Variants in TARS2 observed in about 807,000 individuals in gnomAD.
TARS2 encodes threonyl-tRNA synthetase 2, mitochondrial.
Under a neutral mutation model 94.4 loss-of-function variants are expected in TARS2, and 61 were observed. That is an observed-to-expected ratio of 0.65 (90% CI 0.53 to 0.80). TARS2 has a LOEUF of 0.80. Among genes scored for constraint, TARS2 ranks in the 30% least tolerant of loss-of-function variants. TARS2 has a pLI of 0.00. For missense variants in TARS2, 704 were observed against 902.5 expected (o/e 0.78, Z 2.82); for synonymous variants, 359 against 353.4 (o/e 1.02, Z -0.18).
chr1:150,498,857 G>GCGGGCTCACAGCTCACTGA, intron 11 of TARS2, 40 bp from the exon 12 acceptor site: 1 of 1,613,414 alleles, frequency 6.2e-7, no homozygotes. Flanking sequence ...CTGATCTCTA[G>GCGGGCTCACAGCTCACTGA]CGGGCTCACA....
At chr1:150,495,197 T>C (rs78844852) in intron 7 of TARS2, among the ~76,000 whole-genome samples, 3 of 138,670 alleles carry the variant, frequency 2.2e-5, no homozygotes, top group Non-Finnish European at 4.7e-5. Context: ...AAAAAAAAAT[T>C]AGTCGAGTGT....
intron 13 of TARS2, among the ~76,000 whole-genome samples, chr1:150,500,393 C>A (rs7553867): frequency 0.3 from 45,326 of 151,334 alleles, 8,244 homozygotes; most frequent in Non-Finnish European, 0.4. Context: ...AGTTCGAGAC[C>A]AGCCTGGCCA....
chr1:150,498,862 C>T, intron 11 of TARS2, 35 bp from the exon 12 acceptor site: 1 of 1,613,740 alleles, frequency 6.2e-7, no homozygotes, highest in Non-Finnish European at 8.5e-7. Flanking sequence ...CTCTAGCGGG[C>T]TCACAGCTCA....
Position 150,504,448 on chromosome 1 carries a change from G to T in TARS2, c.1718+13G>T. 6.2e-7 allele frequency: 1 copy of T among 1,613,442 alleles called. No individual in the cohort carries two copies. Among genetic ancestry groups the T allele is most frequent in the Non-Finnish European group, 8.5e-7 (1 of 1,179,462 alleles). Reference sequence around the variant, plus strand: ...TCCAGTATAAGGGGTATAAAACCTTGCCCTATCCTCTTTTCCCTTGACAGT... The same window carrying T: ...TCCAGTATAAGGGGTATAAAACCTTTCCCTATCCTCTTTTCCCTTGACAGT... On this transcript the variant is annotated intron_variant, in intron 14 of 17. Transcript: ENST00000369064.
intron 6 of TARS2, 136 bp from the exon 7 acceptor site, chr1:150,492,275 T>C (rs1669431017): frequency 2.2e-6 from 2 of 914,238 alleles, no homozygotes; most frequent in Non-Finnish European, 3.4e-6. Context: ...GGGAATTGAT[T>C]TTTATCTGCC....
intron 16 of TARS2, 32 bp downstream of exon 16, chr1:150,505,010 G>A: frequency 6.2e-7 from 1 of 1,611,568 alleles, no homozygotes; most frequent in Non-Finnish European, 8.5e-7. Context: ...GGGGGCAGAA[G>A]CAGGTCCAGT....
At chr1:150,503,595 GTGTGTGTATGTGTGTA>G (rs1265809431) in intron 13 of TARS2, among the ~76,000 whole-genome samples, 7 of 142,414 alleles carry the variant, frequency 4.9e-5, no homozygotes, top group African/African-American at 1.9e-4. Context: ...ATGTGTGTGT[GTGTGTGTATGTGTGTA>G]TATATATGTG....
intron 7 of TARS2, 51 bp from the exon 8 acceptor site, chr1:150,496,431 T>G (rs747838146): frequency 2.6e-6 from 4 of 1,543,622 alleles, no homozygotes; most frequent in Non-Finnish European, 3.5e-6. Context: ...TTGAAAAAGG[T>G]GGGGGCCTTC....
intron 13 of TARS2, among the ~76,000 whole-genome samples, chr1:150,503,311 A>G (rs1466496002): frequency 2.0e-5 from 3 of 152,174 alleles, no homozygotes; most frequent in Non-Finnish European, 4.4e-5. Flanking sequence ...TTCATGGGAT[A>G]AGAAACAAAG....
rs1053664273 is a variant in TARS2 at position 150,496,833 on chromosome 1, T to C, written c.945T>C (p.His315=). 1.2e-6 allele frequency: 2 copies of C among 1,614,046 alleles called. No individual in the cohort carries two copies. The highest frequency in any genetic ancestry group is 3.3e-5 in the Admixed American group (2 of 60,008). ...IGKEQELFFF[H]ELSPGSCFFL... is the part of the protein sequence containing the mutation. ...AGGAACAGGAGCTCTTCTTCTTCCA[T>C]GAACTGAGCCCTGGGAGCTGCTTCT... Residue 315 remains histidine, a synonymous_variant, in exon 9 of 18, where the codon CAT becomes CAC. Coordinates refer to ENST00000369064, the MANE Select transcript of TARS2 (RefSeq NM_025150.5).
chr1:150,498,182 T>C lies in TARS2; in HGVS notation c.1239-320T>C, dbSNP rs377115589. Among the ~76,000 whole-genome samples, 17 of 152,096 alleles carry C rather than the reference T, an allele frequency of 1.1e-4. 1 individual carries two copies. The East Asian group carries it at 1.7e-3, about 16-fold the overall frequency. On this transcript the variant is annotated intron_variant, in intron 10 of 17. Coordinates refer to ENST00000369064, the MANE Select transcript of TARS2 (RefSeq NM_025150.5). Reference sequence around the variant, plus strand: ...CTTCCCCCTAGCTAACCATGTAAATTTGGGAAACTCATTTTACCTCTTTAG... The same window carrying C: ...CTTCCCCCTAGCTAACCATGTAAATCTGGGAAACTCATTTTACCTCTTTAG...
chr1:150,491,386 C>T lies in TARS2; in HGVS notation c.513-8C>T, dbSNP rs763315583. On this transcript the variant is annotated splice_polypyrimidine_tract_variant and splice_region_variant and intron_variant, in intron 4 of 17. Transcript: ENST00000369064. ...AGGATGCAACCCAACCAATTCTCCT[C>T]TTTCCAGGACAATCCGGGGCTCAGA... is the stretch of plus-strand genomic sequence containing the variant. 1 of 1,612,412 alleles carries T rather than the reference C, an allele frequency of 6.2e-7. No homozygotes were observed. The highest frequency in any genetic ancestry group is 8.5e-7 in the Non-Finnish European group (1 of 1,179,976).
chr1:150,507,296 G>A lies in TARS2; in HGVS notation c.*232G>A, dbSNP rs587755968. Reference sequence around the variant, plus strand: ...CAAAAAAAAATAAATTGGGCCAGGCGCAGTGGCTCATGCCTGTAATCCCAG... The same window carrying A: ...CAAAAAAAAATAAATTGGGCCAGGCACAGTGGCTCATGCCTGTAATCCCAG... On this transcript the variant is annotated 3_prime_UTR_variant, in exon 18 of 18. Transcript: ENST00000369064. 8 of 498,904 alleles carry A rather than the reference G, an allele frequency of 1.6e-5. No individual in the cohort carries two copies. In the Admixed American group the frequency reaches 1.8e-4, roughly 11 times the overall value. 30.9% of individuals were successfully genotyped at this position (498,904 alleles called of 1,614,324 possible). A position where few individuals can be genotyped will look rare whatever the true frequency, so the allele number is the denominator to read the frequency against.
chr1:150,505,995 G>C (rs1255650960), intron 17 of TARS2, among the ~76,000 whole-genome samples: 2 of 152,172 alleles, frequency 1.3e-5, no homozygotes, highest in Admixed American at 6.5e-5. Context: ...AGAAAGGGAC[G>C]GGAGGGTTAA....
At chr1:150,503,619 GTGTGTGTATATATGTGTGTGTATATA>G (rs1167505872) in intron 13 of TARS2, among the ~76,000 whole-genome samples, 25 of 136,964 alleles carry the variant, frequency 1.8e-4, no homozygotes, top group South Asian at 1.3e-3. Context: ...GTATATATAT[GTGTGTGTATATATGTGTGTGTATATA>G]TGTGTGTATA....
Position 150,507,175 on chromosome 1 carries a change from G to A in TARS2, c.*111G>A. The A allele has an allele frequency of 1.4e-6, 2 of 1,419,432 alleles. No homozygotes were observed. The highest frequency in any genetic ancestry group is 2.7e-5 in the South Asian group (2 of 73,214). 87.9% of individuals were successfully genotyped at this position (1,419,432 alleles called of 1,614,324 possible). A position where few individuals can be genotyped will look rare whatever the true frequency, so the allele number is the denominator to read the frequency against. On this transcript the variant is annotated 3_prime_UTR_variant, in exon 18 of 18. Coordinates refer to ENST00000369064, the MANE Select transcript of TARS2 (RefSeq NM_025150.5). ...GCCCCCAGAACTTCAGAACTGTGTG[G>A]AGGCACATGTCTGCTCTCCTGAAAA... is the stretch of plus-strand genomic sequence containing the variant.
rs1165704205 is a variant in TARS2, at chr1:150,504,444, C to T, written c.1718+9C>T. On this transcript the variant is annotated intron_variant, in intron 14 of 17. Transcript: ENST00000369064. Reference sequence around the variant, plus strand: ...GACCTCCAGTATAAGGGGTATAAAACCTTGCCCTATCCTCTTTTCCCTTGA... The same window carrying T: ...GACCTCCAGTATAAGGGGTATAAAATCTTGCCCTATCCTCTTTTCCCTTGA... 1.2e-6 allele frequency: 2 copies of T among 1,613,620 alleles called. No individual in the cohort carries two copies. Among genetic ancestry groups the T allele is most frequent in the Middle Eastern group, 1.6e-4 (1 of 6,062 alleles).
At chr1:150,490,472 C>T in intron 3 of TARS2, 129 bp from the exon 4 acceptor site, 1 of 1,379,366 alleles carries the variant, frequency 7.2e-7, no homozygotes, top group Non-Finnish European at 9.7e-7. Flanking sequence ...CTAGGATCCC[C>T]ATTTTGTGGT....
In TARS2 at chr1:150,491,518, T is replaced by C. The variant is rs770293282; in HGVS notation, c.630+7T>C. 1.9e-6 allele frequency: 3 copies of C among 1,614,046 alleles called. No individual in the cohort carries two copies. In the Admixed American group the frequency reaches 5.0e-5, roughly 27 times the overall value. ...GCTTCGCCAGTTGTTCAAGGTGGGG[T>C]GGAGGGAAGAGGTGGCTCTTCCAGG... On this transcript the variant is annotated splice_region_variant and intron_variant, in intron 5 of 17. Transcript: ENST00000369064.
Sources: gnomAD v4.1 joint callset for allele counts (sites outside exome capture counted in the v4.1 genomes callset) on GRCh38, gnomAD v4.1.1 for gene constraint, MANE v1.5 for transcripts, NCBI Gene and HGNC (gene_info 2026-07-23, HGNC 2026-07-21) for gene names.